Variants in NAPEPLD observed in about 807,000 individuals in gnomAD.
NAPEPLD encodes N-acyl-phosphatidylethanolamine-hydrolyzing phospholipase D.
Under a neutral mutation model 38.1 loss-of-function variants are expected in NAPEPLD, and 23 were observed. The observed-to-expected ratio is 0.60, with a 90% CI of 0.43 to 0.86. The LOEUF (loss-of-function observed/expected upper bound fraction) is 0.86. Ranked by LOEUF, NAPEPLD falls within the 40% of genes least tolerant of loss-of-function variation. The pLI, the probability that NAPEPLD is intolerant of heterozygous loss-of-function variation, is 0.00. For missense variants in NAPEPLD, 411 were observed against 476.8 expected (o/e 0.86, Z 1.28); for synonymous variants, 147 against 162.0 (o/e 0.91, Z 0.71).
chr7:103,118,651 A>C (rs1174165232), intron 3 of NAPEPLD, among the ~76,000 whole-genome samples: 1 of 152,242 alleles, frequency 6.6e-6, no homozygotes, highest in Non-Finnish European at 1.5e-5. Context: ...ATAGAATACA[A>C]TATTTTTAAA....
At chr7:103,123,579 T>C (rs916824351) in intron 2 of NAPEPLD, among the ~76,000 whole-genome samples, 3 of 152,192 alleles carry the variant, frequency 2.0e-5, no homozygotes, top group Non-Finnish European at 2.9e-5. Flanking sequence ...CAAAATACTA[T>C]TAACAACAGC....
chr7:103,122,532 G>T (rs967423393), intron 2 of NAPEPLD, among the ~76,000 whole-genome samples: 4 of 152,144 alleles, frequency 2.6e-5, no homozygotes, highest in African/African-American at 9.7e-5. Flanking sequence ...GGAAGAGAAG[G>T]AGCAGCACAG....
At chr7:103,121,560 T>C (rs928560036) in intron 2 of NAPEPLD, among the ~76,000 whole-genome samples, 1 of 152,224 alleles carries the variant, frequency 6.6e-6, no homozygotes, top group Non-Finnish European at 1.5e-5. Context: ...TAAGATTTCA[T>C]GATACTTCTC....
intron 2 of NAPEPLD, among the ~76,000 whole-genome samples, chr7:103,120,869 T>C (rs1202105115): frequency 6.6e-6 from 1 of 151,862 alleles, no homozygotes; most frequent in Non-Finnish European, 1.5e-5. Flanking sequence ...AGCACCACCA[T>C]ATCCAGCTAA....
At chr7:103,105,828 G>T (rs1414197153) in intron 4 of NAPEPLD, among the ~76,000 whole-genome samples, 2 of 151,584 alleles carry the variant, frequency 1.3e-5, no homozygotes, top group Non-Finnish European at 2.9e-5. Flanking sequence ...AGCTACTTGG[G>T]AGGCTGAGGC....
rs1201485416 is a variant in NAPEPLD at position 103,101,072 on chromosome 7, C to T, written c.*2357G>A. ...GAAGAAATACTTAAGCAAGACATACCTGGCTTGCTTCATAGAGAAGAGGTA... is the reference window on the plus strand; with the variant it reads ...GAAGAAATACTTAAGCAAGACATACTTGGCTTGCTTCATAGAGAAGAGGTA... On this transcript the variant is annotated 3_prime_UTR_variant, in exon 5 of 5. Transcript: ENST00000465647. 2 of 152,136 alleles carry T rather than the reference C, an allele frequency of 1.3e-5. No individual in the cohort carries two copies. Among genetic ancestry groups the T allele is most frequent in the African/African-American group, 4.8e-5 (2 of 41,408 alleles). 9.4% of individuals were successfully genotyped at this position (152,136 alleles called of 1,614,324 possible).
At chr7:103,131,970 C>T (rs1042806791) in intron 1 of NAPEPLD, among the ~76,000 whole-genome samples, 10 of 152,020 alleles carry the variant, frequency 6.6e-5, no homozygotes, top group African/African-American at 2.2e-4. Flanking sequence ...AAAAATTAGT[C>T]GGGCGTGGTG....
chr7:103,114,998 T>C, intron 4 of NAPEPLD, 62 bp downstream of exon 4: 1 of 1,257,506 alleles, frequency 8.0e-7, no homozygotes, highest in Non-Finnish European at 1.2e-6. Context: ...TAAGGAACAG[T>C]GATGCCTGAA....
chr7:103,126,210 T>G (rs1807765167), intron 2 of NAPEPLD, among the ~76,000 whole-genome samples: 1 of 152,076 alleles, frequency 6.6e-6, no homozygotes, highest in African/African-American at 2.4e-5. Context: ...ACCCTAGACC[T>G]CTTTAGGAAA....
chr7:103,136,103 A>C (rs1293645231), intron 1 of NAPEPLD, among the ~76,000 whole-genome samples: 1 of 152,014 alleles, frequency 6.6e-6, no homozygotes, highest in Non-Finnish European at 1.5e-5. Flanking sequence ...CCCTATTAAA[A>C]AAAAAACAAA....
intron 1 of NAPEPLD, among the ~76,000 whole-genome samples, chr7:103,138,658 C>T (rs1242606193): frequency 6.6e-6 from 1 of 151,936 alleles, no homozygotes; most frequent in Admixed American, 6.6e-5. Context: ...TTAGTAGAGA[C>T]AGGGTTTCAT....
intron 2 of NAPEPLD, among the ~76,000 whole-genome samples, chr7:103,121,879 T>C (rs1196573693): frequency 6.6e-6 from 1 of 152,144 alleles, no homozygotes; most frequent in Non-Finnish European, 1.5e-5. Flanking sequence ...GCCAAAGGCA[T>C]CACAGACACA....
In NAPEPLD at chr7:103,120,252, G is replaced by T. The variant is rs79229777; in HGVS notation, c.295-29C>A. 2,267 of 1,576,462 alleles carry T rather than the reference G, an allele frequency of 1.4e-3. 5 individuals are homozygous for T. The highest frequency in any genetic ancestry group is 1.9e-3 in the Non-Finnish European group (2,166 of 1,163,028). ...TGTGTATAAAGAAAGCAAGACAAAA[G>T]AGTAGTTAGAAAAAAAAGTATTATA... On this transcript the variant is annotated intron_variant, in intron 2 of 4. Transcript: ENST00000465647.
At chr7:103,136,137 C>T (rs1299073419) in intron 1 of NAPEPLD, among the ~76,000 whole-genome samples, 17 of 151,476 alleles carry the variant, frequency 1.1e-4, no homozygotes, top group African/African-American at 4.1e-4. Context: ...AGTGGTGGTG[C>T]ATGCCTGTAA....
In NAPEPLD at chr7:103,100,253, C is replaced by G. The variant is rs1056634465; in HGVS notation, c.*3176G>C. On this transcript the variant is annotated 3_prime_UTR_variant, in exon 5 of 5. Coordinates refer to ENST00000465647, the MANE Select transcript of NAPEPLD (RefSeq NM_001122838.3). ...TTTATAACGGTTTTTTCAAATCTAC[C>G]TCCCTATTTAATGAAAGCATATTCA... 1.3e-5 allele frequency: 2 copies of G among 152,156 alleles called. No homozygotes were observed. Among genetic ancestry groups the G allele is most frequent in the Non-Finnish European group, 2.9e-5 (2 of 68,032 alleles). 9.4% of individuals were successfully genotyped at this position (152,156 alleles called of 1,614,324 possible).
In NAPEPLD at chr7:103,120,116, C is replaced by T. The variant is rs1014978968; in HGVS notation, c.402G>A (p.Thr134=). Residue 134 remains threonine (T), a synonymous_variant, in exon 3 of 5, where the codon ACG becomes ACA. Coordinates refer to ENST00000465647, the MANE Select transcript of NAPEPLD (RefSeq NM_001122838.3). The part of the protein sequence containing the change: ...GLRVTWLGHA[T]VMVEMDELIF... ...TGAGCTCATCCATTTCCACCATTAC[C>T]GTGGCATGTCCCAGCCATGTGACTC... 4.3e-6 allele frequency: 7 copies of T among 1,614,154 alleles called. No individual in the cohort carries two copies. Among genetic ancestry groups the T allele is most frequent in the African/African-American group, 2.7e-5 (2 of 75,026 alleles).
At chr7:103,105,372 T>C (rs546632444) in intron 4 of NAPEPLD, among the ~76,000 whole-genome samples, 1 of 152,320 alleles carries the variant, frequency 6.6e-6, no homozygotes, top group South Asian at 2.1e-4. Flanking sequence ...AGTTTCATGA[T>C]ATACAACAAT....
At chr7:103,127,587 G>C (rs1450604305) in intron 2 of NAPEPLD, 1 of 152,162 alleles carries the variant, frequency 6.6e-6, no homozygotes, top group Non-Finnish European at 1.5e-5. Flanking sequence ...AGTCGGCAGA[G>C]ACCCTGGGAA....
chr7:103,101,673 A>G lies in NAPEPLD; in HGVS notation c.*1756T>C, dbSNP rs370628546. 34 of 152,588 alleles carry G rather than the reference A, an allele frequency of 2.2e-4. No homozygotes were observed. The highest frequency in any genetic ancestry group is 7.0e-4 in the African/African-American group (29 of 41,438). The allele number at this position is 152,588 out of a possible 1,614,324, so 9.5% of individuals were successfully genotyped here. On this transcript the variant is annotated 3_prime_UTR_variant, in exon 5 of 5. Coordinates refer to ENST00000465647, the MANE Select transcript of NAPEPLD (RefSeq NM_001122838.3). ...GGTCGGAATTATCCTCTTGTTGCAA[A>G]TGAGGAAACAGGCACAGTGAGCACT...
Sources: allele counts gnomAD v4.1 joint callset (sites outside exome capture counted in the v4.1 genomes callset), GRCh38; gene constraint gnomAD v4.1.1; transcripts MANE v1.5; gene names NCBI Gene and HGNC (gene_info 2026-07-23, HGNC 2026-07-21).